The following WNK1 variants were observed in gnomAD, a reference collection of about 807,000 sequenced individuals.
The protein encoded by WNK1 is serine/threonine-protein kinase WNK1.
In WNK1, 38 loss-of-function variants were observed where a neutral mutation model predicts 222.8. That is an observed-to-expected ratio of 0.17 (90% CI 0.13 to 0.22). The LOEUF is 0.22. WNK1 is among the 10% of genes least tolerant of loss of function. The probability of loss-of-function intolerance (pLI) is 1.00; values close to 1 mark genes in which losing one functional copy is unlikely to be tolerated. For missense variants in WNK1, 2,348 were observed against 2,918.4 expected, an observed-to-expected ratio of 0.80 and a Z score of 4.50; for synonymous variants, 1,090 against 1,092.9, an observed-to-expected ratio of 1.00 and a Z score of 0.05.
At chr12:794,467 C>T (rs1397400249) in intron 1 of WNK1, among the ~76,000 whole-genome samples, 1 of 151,148 alleles carries the variant, frequency 6.6e-6, no homozygotes, top group African/African-American at 2.4e-5. Flanking sequence ...TGCCCTTTAT[C>T]CAACTGAAGA....
chr12:778,635 A>ATCTTTTT (rs1162049340), intron 1 of WNK1, among the ~76,000 whole-genome samples: 2 of 141,522 alleles, frequency 1.4e-5, no homozygotes, highest in Non-Finnish European at 3.1e-5. Flanking sequence ...CCGGCCAATG[A>ATCTTTTT]TCTTTTTTTT....
chr12:842,720 T>C (rs989139057), intron 4 of WNK1, among the ~76,000 whole-genome samples: 31 of 152,190 alleles, frequency 2.0e-4, no homozygotes, highest in African/African-American at 6.3e-4. Flanking sequence ...AAGGGGCTTA[T>C]ATGCATTATT....
intron 9 of WNK1, among the ~76,000 whole-genome samples, chr12:873,838 G>A (rs917348559): frequency 1.7e-4 from 26 of 152,008 alleles, no homozygotes; most frequent in African/African-American, 6.0e-4. Context: ...ATTTTAGTGA[G>A]GAAAGAAATA....
intron 26 of WNK1, among the ~76,000 whole-genome samples, chr12:904,257 G>C (rs1322351909): frequency 6.6e-6 from 1 of 152,220 alleles, no homozygotes; most frequent in East Asian, 1.9e-4. Flanking sequence ...CAGCCCATCA[G>C]ATAATCATGT....
chr12:761,590 A>G (rs553219771), intron 1 of WNK1, among the ~76,000 whole-genome samples: 1 of 147,940 alleles, frequency 6.8e-6, no homozygotes, highest in Non-Finnish European at 1.5e-5. Context: ...CCAAACACAC[A>G]CTAATGTATA....
At chr12:859,634 T>G (rs75308771) in intron 6 of WNK1, among the ~76,000 whole-genome samples, 170 bp downstream of exon 6, 11 of 12,956 alleles carry the variant, frequency 8.5e-4, no homozygotes, top group African/African-American at 2.0e-3. Context: ...GTGTGTGTGT[T>G]TTTTTTTTTT....
chr12:779,420 T>A (rs1405995087), intron 1 of WNK1, among the ~76,000 whole-genome samples: 1 of 151,598 alleles, frequency 6.6e-6, no homozygotes, highest in Non-Finnish European at 1.5e-5. Context: ...CTTTTTTTTT[T>A]TTGAGACATA....
rs1002244239 is a variant in WNK1, at chr12:885,121, G to A, written c.4317G>A (p.Glu1439=). ...TTCAAGTCCCCACATCCACATCTGA[G>A]ATCGTTGTTTCTAGTACAGCACTGT... The part of the protein sequence containing the change: ...PSLQVPTSTS[E]IVVSSTALYP... Residue 1439 remains glutamate (E), a synonymous_variant, in exon 19 of 28, where the codon GAG becomes GAA. Transcript: ENST00000315939. 1 of 1,614,164 alleles carries A rather than the reference G, an allele frequency of 6.2e-7. No individual in the cohort carries two copies. Among genetic ancestry groups the A allele is most frequent in the East Asian group, 2.2e-5 (1 of 44,888 alleles).
chr12:895,945 A>C lies in WNK1; in HGVS notation c.5584-126A>C, dbSNP rs1226406502. 50 of 1,297,186 alleles carry C rather than the reference A, an allele frequency of 3.9e-5. 1 individual carries two copies. Among genetic ancestry groups the C allele is most frequent in the Non-Finnish European group, 5.4e-5 (50 of 924,122 alleles). The allele number at this position is 1,297,186 out of a possible 1,614,324, so 80.4% of individuals were successfully genotyped here. Reference sequence around the variant, plus strand: ...CTAGTCAAAAGTGGAGGCGCTATGTAAAGAGACAATCAGCCTACTCTTTGA... The same window carrying C: ...CTAGTCAAAAGTGGAGGCGCTATGTCAAGAGACAATCAGCCTACTCTTTGA... On this transcript the variant is annotated intron_variant, in intron 23 of 27. Transcript: ENST00000315939.
At chr12:806,428 A>G (rs1946372989) in intron 1 of WNK1, among the ~76,000 whole-genome samples, 1 of 152,226 alleles carries the variant, frequency 6.6e-6, no homozygotes, top group African/African-American at 2.4e-5. Flanking sequence ...GACTGGGGCC[A>G]GGGTCCTAGA....
At chr12:842,279 T>A (rs555534109) in intron 4 of WNK1, among the ~76,000 whole-genome samples, 20 of 152,286 alleles carry the variant, frequency 1.3e-4, no homozygotes, top group Middle Eastern at 6.8e-3. Context: ...CAATATATTT[T>A]ATATTAATGG....
In WNK1 at chr12:791,512, G is replaced by A. The variant is rs180908571; in HGVS notation, c.760-22130G>A. Reference sequence around the variant, plus strand: ...TTTCTATAATAACATTCTCTTCTAGGTTTCAGCTTATACTTGACGCAAGAG... The same window carrying A: ...TTTCTATAATAACATTCTCTTCTAGATTTCAGCTTATACTTGACGCAAGAG... On this transcript the variant is annotated intron_variant, in intron 1 of 27. Transcript: ENST00000315939. 6.2e-3 allele frequency among the ~76,000 whole-genome samples: 945 copies of A among 151,472 alleles called. 6 individuals are homozygous for A. The highest frequency in any genetic ancestry group is 0.035 in the South Asian group (166 of 4,802).
chr12:883,235 A>G (rs1356487496), intron 15 of WNK1, among the ~76,000 whole-genome samples, 160 bp from the exon 16 acceptor site: 3 of 152,364 alleles, frequency 2.0e-5, no homozygotes, highest in Middle Eastern at 3.4e-3. Flanking sequence ...TGTCTAGGCT[A>G]TGTCTAACTA....
intron 1 of WNK1, among the ~76,000 whole-genome samples, chr12:809,217 CTTT>C (rs1946675655): frequency 1.1e-5 from 1 of 94,170 alleles, no homozygotes; most frequent in African/African-American, 4.2e-5. Flanking sequence ...TTTTCCTATT[CTTT>C]TGAGGAAAAA....
Position 896,682 on chromosome 12 carries a change from A to G in WNK1, c.6195A>G (p.Ser2065=). 1 of 1,610,500 alleles carries G rather than the reference A, an allele frequency of 6.2e-7. No individual in the cohort carries two copies. The highest frequency in any genetic ancestry group is 8.5e-7 in the Non-Finnish European group (1 of 1,179,380). Residue 2065 remains serine, a synonymous_variant, in exon 24 of 28, where the codon TCA becomes TCG. Transcript: ENST00000315939. ...NSSYMSSDNE[S]DIEDEDLKLE... is the part of the protein sequence containing the mutation. ...CTTACATGAGTAGCGACAATGAGTC[A>G]GATATCGAAGATGAAGACTTAAAGT...
At chr12:857,091 A>T in intron 4 of WNK1, 70 bp from the exon 5 acceptor site, 1 of 1,503,358 alleles carries the variant, frequency 6.7e-7, no homozygotes, top group Non-Finnish European at 9.2e-7. Flanking sequence ...AAAGAACCTT[A>T]ATTGGAAATT....
chr12:851,684 C>A, intron 4 of WNK1: 1 of 1,322,240 alleles, frequency 7.6e-7, no homozygotes, highest in South Asian at 1.2e-5. Flanking sequence ...ATCTGTTTTG[C>A]CTTTTCTGAT....
In WNK1 at chr12:762,352, G is replaced by A. The variant is rs1412155617; in HGVS notation, c.759+8028G>A. Among the ~76,000 whole-genome samples, 2 of 147,598 alleles carry A rather than the reference G, an allele frequency of 1.4e-5. 1 individual carries two copies. Among genetic ancestry groups the A allele is most frequent in the African/African-American group, 4.9e-5 (2 of 41,078 alleles). ...TGGGATTACAGGTGTGGCTCCTCACGTATAGTTTAAGTCATCACTAAATTA... is the reference window on the plus strand; with the variant it reads ...TGGGATTACAGGTGTGGCTCCTCACATATAGTTTAAGTCATCACTAAATTA... On this transcript the variant is annotated intron_variant, in intron 1 of 27. Coordinates refer to ENST00000315939, the MANE Select transcript of WNK1 (RefSeq NM_018979.4).
chr12:861,633 A>G (rs1951226328), intron 7 of WNK1, among the ~76,000 whole-genome samples: 1 of 152,220 alleles, frequency 6.6e-6, no homozygotes, highest in African/African-American at 2.4e-5. Context: ...TTTAAATAAA[A>G]CAGATTTAAT....
Sources: allele counts gnomAD v4.1 joint callset (sites outside exome capture counted in the v4.1 genomes callset), GRCh38; gene constraint gnomAD v4.1.1; transcripts MANE v1.5; gene names NCBI Gene and HGNC (gene_info 2026-07-23, HGNC 2026-07-21).